Variants in PLEKHH2 observed in about 807,000 individuals in gnomAD.
PLEKHH2 encodes pleckstrin homology domain-containing family H member 2.
Under a neutral mutation model 187.9 loss-of-function variants are expected in PLEKHH2, and 129 were observed. The ratio of observed to expected loss-of-function variants is 0.69; its 90% confidence interval spans 0.59 to 0.79. The LOEUF (loss-of-function observed/expected upper bound fraction) is 0.79, where lower values mean the gene tolerates loss of function less well. Among genes scored for constraint, PLEKHH2 ranks in the 30% least tolerant of loss-of-function variants. PLEKHH2 has a pLI of 0.00. For missense variants in PLEKHH2, 2,076 were observed against 1,751.2 expected (o/e 1.19, Z -3.31); for synonymous variants, 686 against 605.6 (o/e 1.13, Z -1.95).
At chr2:43,724,060 C>T (rs1670619095) in intron 16 of PLEKHH2, among the ~76,000 whole-genome samples, 1 of 148,164 alleles carries the variant, frequency 6.7e-6, no homozygotes, top group East Asian at 1.9e-4. Flanking sequence ...GTGTTAATAG[C>T]TATTAATAGA....
chr2:43,758,388 G>A (rs1672297703), intron 26 of PLEKHH2, among the ~76,000 whole-genome samples: 1 of 152,084 alleles, frequency 6.6e-6, no homozygotes. Context: ...GAGTAGCTGG[G>A]ATTACAGGCA....
At chr2:43,699,477 A>G (rs1669246912) in intron 7 of PLEKHH2, among the ~76,000 whole-genome samples, 170 bp from the exon 8 acceptor site, 1 of 152,164 alleles carries the variant, frequency 6.6e-6, no homozygotes, top group African/African-American at 2.4e-5. Flanking sequence ...TCCTGGGCTC[A>G]AGCAATCATC....
chr2:43,708,206 A>G (rs1315078425), intron 11 of PLEKHH2, among the ~76,000 whole-genome samples: 3 of 152,118 alleles, frequency 2.0e-5, no homozygotes, highest in Non-Finnish European at 4.4e-5. Context: ...CTTGCTCTCA[A>G]CTTGCCCCGC....
chr2:43,752,847 T>C (rs1281297601), intron 24 of PLEKHH2, among the ~76,000 whole-genome samples: 1 of 152,216 alleles, frequency 6.6e-6, no homozygotes, highest in African/African-American at 2.4e-5. Context: ...ACAAAAGCCA[T>C]GTTGTGTTTC....
chr2:43,668,366 A>G (rs1190020395), intron 2 of PLEKHH2, among the ~76,000 whole-genome samples: 3 of 152,170 alleles, frequency 2.0e-5, no homozygotes, highest in South Asian at 2.1e-4. Context: ...CTTAAAATAT[A>G]TATACATAGA....
Position 43,742,923 on chromosome 2 carries a change from G to T in PLEKHH2, c.3399+5G>T, listed in dbSNP as rs1033346069. The T allele has an allele frequency of 2.0e-6, 3 of 1,491,910 alleles. No individual in the cohort carries two copies. The highest frequency in any genetic ancestry group is 1.4e-5 in the African/African-American group (1 of 69,746). The allele number at this position is 1,491,910 out of a possible 1,614,324, so 92.4% of individuals were successfully genotyped here. A position where few individuals can be genotyped will look rare whatever the true frequency, so the allele number is the denominator to read the frequency against. On this transcript the variant is annotated splice_donor_5th_base_variant and intron_variant, in intron 22 of 29. Coordinates refer to ENST00000282406, the MANE Select transcript of PLEKHH2 (RefSeq NM_172069.4). Reference sequence around the variant, plus strand: ...TTCATGAATGGGATATACCAGGTAGGTTACCTGATGAAAATATGCTTAGCC... The same window carrying T: ...TTCATGAATGGGATATACCAGGTAGTTTACCTGATGAAAATATGCTTAGCC...
At chr2:43,691,475 G>A (rs1668791394) in intron 3 of PLEKHH2, among the ~76,000 whole-genome samples, 1 of 152,206 alleles carries the variant, frequency 6.6e-6, no homozygotes, top group South Asian at 2.1e-4. Flanking sequence ...GAAAGGGTAG[G>A]TATATGTAAA....
intron 23 of PLEKHH2, 42 bp downstream of exon 23, chr2:43,744,031 CA>C (rs1423979860): frequency 6.3e-7 from 1 of 1,586,234 alleles, no homozygotes. Flanking sequence ...CAACGAACAG[CA>C]AAGAAGCTAC....
intron 25 of PLEKHH2, among the ~76,000 whole-genome samples, chr2:43,753,993 G>T (rs1292126831): frequency 6.6e-6 from 1 of 152,064 alleles, no homozygotes; most frequent in Non-Finnish European, 1.5e-5. Context: ...TAATTATTTT[G>T]AAAATATATC....
At chr2:43,641,991 A>G (rs909095392) in intron 1 of PLEKHH2, among the ~76,000 whole-genome samples, 2 of 152,224 alleles carry the variant, frequency 1.3e-5, no homozygotes, top group Admixed American at 6.5e-5. Context: ...AAGTTTGATC[A>G]GCTTGTCAAT....
At chr2:43,765,105 A>G (rs1371484188) in intron 29 of PLEKHH2, among the ~76,000 whole-genome samples, 1 of 152,260 alleles carries the variant, frequency 6.6e-6, no homozygotes, top group Non-Finnish European at 1.5e-5. Context: ...CTTAATTCAT[A>G]TATTCACTAA....
chr2:43,700,002 C>G lies in PLEKHH2; in HGVS notation c.1044C>G (p.His348Gln), dbSNP rs183682820. 1 of 1,614,162 alleles carries G rather than the reference C, an allele frequency of 6.2e-7. No homozygotes were observed. Among genetic ancestry groups the G allele is most frequent in the Admixed American group, 1.7e-5 (1 of 60,026 alleles). The change falls in exon 8 of 30, where the codon CAC (histidine) becomes CAG (glutamine). Residue 348 changes from histidine to glutamine, a missense_variant. His to Gln is a conservative substitution (Grantham distance 24). Transcript: ENST00000282406. ...EETFGIKRPE[H>Q]KKLYSWQQEA... ...CTTTTGGCATAAAGAGACCAGAACA[C>G]AAGAAGCTATATTCTTGGCAGCAGG...
chr2:43,720,723 T>C lies in PLEKHH2; in HGVS notation c.2515T>C (p.Tyr839His), dbSNP rs1670440016. ...GTGTACACTAATAGGAAAGACATTA[T>C]ATTATTTTCGGAGTCAAGAAGATAA... is the stretch of plus-strand genomic sequence containing the variant. ...VWCTLIGKTL[Y>H]YFRSQEDKFP... Residue 839 changes from tyrosine (Y) to histidine (H), a missense_variant, in exon 16 of 30, where the codon TAT becomes CAT. Coordinates refer to ENST00000282406, the MANE Select transcript of PLEKHH2 (RefSeq NM_172069.4). 6.2e-7 allele frequency: 1 copy of C among 1,608,684 alleles called. No individual in the cohort carries two copies. Among genetic ancestry groups the C allele is most frequent in the African/African-American group, 1.3e-5 (1 of 74,750 alleles).
intron 9 of PLEKHH2, among the ~76,000 whole-genome samples, chr2:43,704,966 G>C (rs1319993530): frequency 1.3e-5 from 2 of 152,060 alleles, no homozygotes; most frequent in African/African-American, 4.8e-5. Context: ...CATTTCAGCT[G>C]TTTAAAATGG....
rs760567173 is a variant in PLEKHH2, at chr2:43,707,460, A to G, written c.1881A>G (p.Glu627=). 5.0e-6 allele frequency: 8 copies of G among 1,614,152 alleles called. No individual in the cohort carries two copies. Among genetic ancestry groups the G allele is most frequent in the Non-Finnish European group, 5.9e-6 (7 of 1,180,032 alleles). Residue 627 remains glutamate, a synonymous_variant, in exon 11 of 30, where the codon GAA becomes GAG. Transcript: ENST00000282406. ...FLDDSSGSEE[E]DSSRSSSRTS... Reference sequence around the variant, plus strand: ...ATGACTCATCTGGGTCAGAGGAAGAAGACAGCTCCAGATCCAGCTCCCGGA... The same window carrying G: ...ATGACTCATCTGGGTCAGAGGAAGAGGACAGCTCCAGATCCAGCTCCCGGA...
At chr2:43,726,144 A>T (rs899720996) in intron 16 of PLEKHH2, 128 bp from the exon 17 acceptor site, 1 of 708,492 alleles carries the variant, frequency 1.4e-6, no homozygotes, top group Non-Finnish European at 2.2e-6. Context: ...AAAAAAAGGA[A>T]AATAAAAAAT....
intron 2 of PLEKHH2, among the ~76,000 whole-genome samples, chr2:43,665,758 T>TG (rs1667164828): frequency 7.8e-6 from 1 of 128,600 alleles, no homozygotes; most frequent in South Asian, 2.9e-4. Context: ...GTGCCCCTGC[T>TG]GGGGGGTGCC....
In PLEKHH2 at chr2:43,765,650, C is replaced by A. The variant is rs1225728665; in HGVS notation, c.*52C>A. On this transcript the variant is annotated 3_prime_UTR_variant, in exon 30 of 30. Transcript: ENST00000282406. ...CTTGTCCTCCATGCTGTGGCTGTATCAGCTCCCTACAAGTTCGTTTACACC... is the reference window on the plus strand; with the variant it reads ...CTTGTCCTCCATGCTGTGGCTGTATAAGCTCCCTACAAGTTCGTTTACACC... 3 of 1,556,120 alleles carry A rather than the reference C, an allele frequency of 1.9e-6. No individual in the cohort carries two copies. The highest frequency in any genetic ancestry group is 2.6e-6 in the Non-Finnish European group (3 of 1,150,838).
At chr2:43,711,178 A>C in intron 14 of PLEKHH2, 1 of 985,528 alleles carries the variant, frequency 1.0e-6, no homozygotes, top group Non-Finnish European at 1.2e-6. Context: ...AAAGTCAGAC[A>C]CTTTATTTCT....
Sources: allele counts gnomAD v4.1 joint callset (sites outside exome capture counted in the v4.1 genomes callset), GRCh38; gene constraint gnomAD v4.1.1; transcripts MANE v1.5; gene names NCBI Gene and HGNC (gene_info 2026-07-23, HGNC 2026-07-21).